CFAP57: variants seen among roughly 807,000 people sequenced by gnomAD.
CFAP57 encodes cilia and flagella associated protein 57.
Under a neutral mutation model 146.8 loss-of-function variants are expected in CFAP57, and 116 were observed. That is an observed-to-expected ratio of 0.79 (90% confidence interval 0.68 to 0.92). The LOEUF (loss-of-function observed/expected upper bound fraction) is 0.92. Ranked by LOEUF, CFAP57 falls within the 40% of genes least tolerant of loss-of-function variation. CFAP57 has a pLI of 0.00. For missense variants in CFAP57, 1,377 were observed against 1,527.2 expected, an observed-to-expected ratio of 0.90 and a Z score of 1.64; for synonymous variants, 518 against 552.8, an observed-to-expected ratio of 0.94 and a Z score of 0.88.
chr1:43,191,744 G>T, intron 6 of CFAP57, among the ~76,000 whole-genome samples: 1 of 148,310 alleles, frequency 6.7e-6, no homozygotes, highest in Non-Finnish European at 1.5e-5. Context: ...TTTCATTAAT[G>T]TTCACTCTAA....
Position 43,226,994 on chromosome 1 carries a change from T to G in CFAP57, c.2877T>G (p.Ile959Met). ...DETIQDKEKR[I>M]YDLKKKNQEL... is the part of the protein sequence containing the mutation. ...CATCTCACCCCCAGGAGAAGCGAAT[T>G]TATGATCTGAAAAAGAAAAATCAAG... Residue 959 changes from isoleucine (I) to methionine (M), a missense_variant, in exon 18 of 23, where the codon ATT becomes ATG. Transcript: ENST00000372492. 2.0e-6 allele frequency: 3 copies of G among 1,517,190 alleles called. No homozygotes were observed. Among genetic ancestry groups the G allele is most frequent in the Non-Finnish European group, 2.6e-6 (3 of 1,132,632 alleles). The allele number at this position is 1,517,190 out of a possible 1,614,324, so 94.0% of individuals were successfully genotyped here.
chr1:43,206,527 T>G (rs1644362644), intron 9 of CFAP57, 193 bp from the exon 10 acceptor site: 1 of 600,530 alleles, frequency 1.7e-6, no homozygotes, highest in African/African-American at 1.9e-5. Flanking sequence ...TCATCTTCAG[T>G]AATTTGCAAG....
At position 43,245,039 on chromosome 1, in the gene CFAP57, G is replaced by A. The variant is rs193093928; in HGVS notation, c.3538+1680G>A. Among the ~76,000 whole-genome samples, 621 of 152,300 alleles carry A rather than the reference G, an allele frequency of 4.1e-3. 3 individuals carry two copies. Among genetic ancestry groups the A allele is most frequent in the African/African-American group, 0.013 (544 of 41,552 alleles). Reference sequence around the variant, plus strand: ...TAAAAAATGTTTCAGGCCAGGCGCCGTGGCTCACATCTGTAATCCCAGCAC... The same window carrying A: ...TAAAAAATGTTTCAGGCCAGGCGCCATGGCTCACATCTGTAATCCCAGCAC... On this transcript the variant is annotated intron_variant, in intron 22 of 22. Coordinates refer to ENST00000372492, the MANE Select transcript of CFAP57 (RefSeq NM_001378189.1).
At chr1:43,210,438 G>A in intron 11 of CFAP57, 1 of 1,135,970 alleles carries the variant, frequency 8.8e-7, no homozygotes, top group Non-Finnish European at 1.1e-6. Flanking sequence ...TCCATCGACA[G>A]ACGAATGCAT....
At chr1:43,185,416 C>CA in intron 5 of CFAP57, 60 bp downstream of exon 5, 1 of 1,509,818 alleles carries the variant, frequency 6.6e-7, no homozygotes, top group East Asian at 2.3e-5. Context: ...TGTTCCCCAG[C>CA]AGCAGTTCTC....
At chr1:43,227,168 G>C in intron 18 of CFAP57, 42 bp downstream of exon 18, 1 of 1,470,192 alleles carries the variant, frequency 6.8e-7, no homozygotes, top group Non-Finnish European at 9.0e-7. Context: ...CAGACCCTCT[G>C]TCTCTTCTTC....
rs751770923 is a variant in CFAP57 at position 43,253,963 on chromosome 1, G to C, written c.3539-14G>C. 6.5e-7 allele frequency: 1 copy of C among 1,550,266 alleles called. No individual in the cohort carries two copies. Among genetic ancestry groups the C allele is most frequent in the Non-Finnish European group, 8.7e-7 (1 of 1,146,714 alleles). ...CAATGGACAGGCCCACATGAGTCCTGTTGTCTCTTACAGAACCCAGCAGGG... is the reference window on the plus strand; with the variant it reads ...CAATGGACAGGCCCACATGAGTCCTCTTGTCTCTTACAGAACCCAGCAGGG... On this transcript the variant is annotated splice_polypyrimidine_tract_variant and intron_variant, in intron 22 of 22. Coordinates refer to ENST00000372492, the MANE Select transcript of CFAP57 (RefSeq NM_001378189.1).
In CFAP57 at chr1:43,215,225, C is replaced by T. The variant is rs375341443; in HGVS notation, c.1930-30C>T. 132 of 1,550,754 alleles carry T rather than the reference C, an allele frequency of 8.5e-5. No homozygotes were observed. The East Asian group carries it at 2.6e-3, about 31-fold the overall frequency. Reference sequence around the variant, plus strand: ...CCCTGGTCATCTGTGGCCTTGAAAGCTTCCTGGCCATGACCCTTTTTCTCT... The same window carrying T: ...CCCTGGTCATCTGTGGCCTTGAAAGTTTCCTGGCCATGACCCTTTTTCTCT... On this transcript the variant is annotated intron_variant, in intron 11 of 22. Coordinates refer to ENST00000372492, the MANE Select transcript of CFAP57 (RefSeq NM_001378189.1).
rs1235971743 is a variant in CFAP57, at chr1:43,209,894, C to G, written c.1907C>G (p.Ala636Gly). 6.2e-7 allele frequency: 1 copy of G among 1,614,120 alleles called. No individual in the cohort carries two copies. The highest frequency in any genetic ancestry group is 1.7e-5 in the Admixed American group (1 of 60,008). The change falls in exon 11 of 23, where the codon GCC (alanine) becomes GGC (glycine). Residue 636 changes from alanine to glycine, a missense_variant. Transcript: ENST00000372492. ...PLQKEFNEYQ[A>G]HAGPITKMLL... Reference sequence around the variant, plus strand: ...CAGAAGGAATTCAATGAGTACCAGGCCCATGCCGGTCCTATCACCAAGGTG... The same window carrying G: ...CAGAAGGAATTCAATGAGTACCAGGGCCATGCCGGTCCTATCACCAAGGTG...
intron 22 of CFAP57, among the ~76,000 whole-genome samples, chr1:43,245,593 C>T (rs1346917800): frequency 6.6e-6 from 1 of 152,128 alleles, no homozygotes; most frequent in Admixed American, 6.5e-5. Flanking sequence ...TAGAAGAAAT[C>T]CAATGTATGC....
At chr1:43,222,393 T>G in intron 15 of CFAP57, 98 bp downstream of exon 15, 1 of 1,141,210 alleles carries the variant, frequency 8.8e-7, no homozygotes, top group African/African-American at 1.6e-5. Flanking sequence ...CAGGATGTGT[T>G]ATACACTGGG....
In CFAP57 at chr1:43,219,254, G is replaced by A; in HGVS notation, c.2092-128G>A. 7 of 1,002,816 alleles carry A rather than the reference G, an allele frequency of 7.0e-6. No homozygotes were observed. In the South Asian group the frequency reaches 1.3e-4, roughly 18 times the overall value. 62.1% of individuals were successfully genotyped at this position (1,002,816 alleles called of 1,614,324 possible). A position where few individuals can be genotyped will look rare whatever the true frequency, so the allele number is the denominator to read the frequency against. On this transcript the variant is annotated intron_variant, in intron 12 of 22. Transcript: ENST00000372492. ...GTGCCTTCTGGGGAAAAGATGACAA[G>A]TTCTAGTTGAGACACATTGAGTTTG... is the stretch of plus-strand genomic sequence containing the variant.
intron 11 of CFAP57, among the ~76,000 whole-genome samples, chr1:43,212,953 AAG>A (rs1644683202): frequency 1.3e-5 from 2 of 149,626 alleles, no homozygotes; most frequent in Non-Finnish European, 3.0e-5. Context: ...AAAAAAAAGA[AAG>A]AAAGAAAGAA....
Position 43,183,620 on chromosome 1 carries a change from G to T in CFAP57, c.504G>T (p.Gln168His). The T allele has an allele frequency of 6.2e-7, 1 of 1,614,112 alleles. No individual in the cohort carries two copies. The highest frequency in any genetic ancestry group is 8.5e-7 in the Non-Finnish European group (1 of 1,180,002). Reference sequence around the variant, plus strand: ...GCTTCAGTCCACAGGATAACACTCAGGTGTGTGTCACTGGAAATGGGATGT... The same window carrying T: ...GCTTCAGTCCACAGGATAACACTCATGTGTGTGTCACTGGAAATGGGATGT... ...QVSFSPQDNT[Q>H]VCVTGNGMFK... The change falls in exon 4 of 23, where the codon CAG becomes CAT. Residue 168 changes from glutamine (Q) to histidine (H), a missense_variant. By Grantham distance (24) the Gln-to-His change is conservative. Transcript: ENST00000372492.
chr1:43,185,084 C>A (rs1437502536), intron 4 of CFAP57, 65 bp from the exon 5 acceptor site: 2 of 1,558,592 alleles, frequency 1.3e-6, no homozygotes, highest in African/African-American at 2.7e-5. Context: ...CTTTCTCCTC[C>A]CCAGCAGAAT....
chr1:43,183,663 G>C lies in CFAP57; in HGVS notation c.547G>C (p.Ala183Pro). ...GNGMFKLLRFAEGTLKQTSFQ... is the reference protein window; with the variant it reads ...GNGMFKLLRFPEGTLKQTSFQ... ...TGGGATGTTTAAGCTTCTCCGTTTTGCTGAGGGAACCCTGAAGCAAACCAG... is the reference window on the plus strand; with the variant it reads ...TGGGATGTTTAAGCTTCTCCGTTTTCCTGAGGGAACCCTGAAGCAAACCAG... The change falls in exon 4 of 23, where the codon GCT becomes CCT. Residue 183 changes from alanine to proline, a missense_variant. Coordinates refer to ENST00000372492, the MANE Select transcript of CFAP57 (RefSeq NM_001378189.1). 6.2e-7 allele frequency: 1 copy of C among 1,614,132 alleles called. No individual in the cohort carries two copies. The highest frequency in any genetic ancestry group is 8.5e-7 in the Non-Finnish European group (1 of 1,180,038).
At chr1:43,215,744 A>G (rs1006094894) in intron 12 of CFAP57, among the ~76,000 whole-genome samples, 15 of 152,266 alleles carry the variant, frequency 9.9e-5, no homozygotes, top group African/African-American at 3.1e-4. Flanking sequence ...TTCCTAGCAC[A>G]TGCTGGGCAC....
At chr1:43,196,680 T>A (rs1643881504) in intron 6 of CFAP57, 1 of 152,246 alleles carries the variant, frequency 6.6e-6, no homozygotes, top group African/African-American at 2.4e-5. Flanking sequence ...AAACAATGCC[T>A]CTGATGACAG....
Position 43,243,301 on chromosome 1 carries a change from C to T in CFAP57, c.3480C>T (p.Asp1160=), listed in dbSNP as rs1308184000. The T allele has an allele frequency of 1.3e-6, 2 of 1,547,232 alleles. No homozygotes were observed. The highest frequency in any genetic ancestry group is 2.0e-5 in the Admixed American group (1 of 50,668). ...AGTTCACTCGGTCCCAAGTCTATGA[C>T]CTTGAAGCAGCTCTGAAACTGACCA... The part of the protein sequence containing the change: ...ELKFTRSQVY[D]LEAALKLTKK... Residue 1160 remains aspartate (D), a synonymous_variant, in exon 22 of 23, where the codon GAC becomes GAT. Transcript: ENST00000372492.
Sources: gnomAD v4.1 joint callset for allele counts (sites outside exome capture counted in the v4.1 genomes callset) on GRCh38, gnomAD v4.1.1 for gene constraint, MANE v1.5 for transcripts, NCBI Gene and HGNC (gene_info 2026-07-23, HGNC 2026-07-21) for gene names.